GRID2: variants seen among roughly 807,000 people sequenced by gnomAD.
The protein encoded by GRID2 is glutamate receptor ionotropic, delta-2.
In GRID2, 33 loss-of-function variants were observed where a neutral mutation model predicts 114.8. The ratio of observed to expected loss-of-function variants is 0.29; its 90% confidence interval spans 0.22 to 0.38. The LOEUF is 0.38. Among genes scored for constraint, GRID2 ranks in the 10% least tolerant of loss-of-function variants. The pLI is 1.00. For missense variants in GRID2, 1,184 were observed against 1,257.7 expected, an observed-to-expected ratio of 0.94 and a Z score of 0.89; for synonymous variants, 505 against 449.9, an observed-to-expected ratio of 1.12 and a Z score of -1.55.
At chr4:93,395,526 A>G (rs901876256) in intron 8 of GRID2, 81 bp from the exon 9 acceptor site, 2 of 692,218 alleles carry the variant, frequency 2.9e-6, no homozygotes, top group Admixed American at 2.0e-5. Context: ...GAGCTATCAC[A>G]TAGTTCTCCA....
chr4:92,920,747 G>A (rs1749248667), intron 2 of GRID2, among the ~76,000 whole-genome samples: 1 of 152,176 alleles, frequency 6.6e-6, no homozygotes, highest in African/African-American at 2.4e-5. Flanking sequence ...CCCTTTGTGG[G>A]TAACTCGACC....
chr4:93,100,637 G>A (rs1486654144), intron 3 of GRID2, among the ~76,000 whole-genome samples: 2 of 151,884 alleles, frequency 1.3e-5, no homozygotes, highest in East Asian at 3.9e-4. Context: ...TTAATGCTTG[G>A]CATTCTGCCA....
In GRID2 at chr4:93,533,218, T is replaced by C. The variant is rs984617391; in HGVS notation, c.2193+17807T>C. Among the ~76,000 whole-genome samples the C allele has an allele frequency of 2.0e-5, 3 of 152,074 alleles. No individual in the cohort carries two copies. In the East Asian group the frequency reaches 5.8e-4, roughly 29 times the overall value. On this transcript the variant is annotated intron_variant, in intron 13 of 15. Coordinates refer to ENST00000282020, the MANE Select transcript of GRID2 (RefSeq NM_001510.4). ...TTACACCTCATGTCTAATTCATCAG[T>C]AAATCTTGTAGGGCCCTTTCTTTCT...
At chr4:93,796,600 G>A (rs1254703407) in intron 1 of GRID2, among the ~76,000 whole-genome samples, 5 of 152,176 alleles carry the variant, frequency 3.3e-5, no homozygotes, top group South Asian at 4.2e-4. Flanking sequence ...CTAGAGTGCC[G>A]TGGCGCTATC....
chr4:92,367,281 A>T (rs540375604), intron 1 of GRID2, among the ~76,000 whole-genome samples: 3 of 152,108 alleles, frequency 2.0e-5, no homozygotes, highest in Non-Finnish European at 4.4e-5. Flanking sequence ...TTGAGACTTA[A>T]TTTATAATGG....
chr4:93,314,760 C>A (rs1161860555), intron 8 of GRID2, among the ~76,000 whole-genome samples: 1 of 148,582 alleles, frequency 6.7e-6, no homozygotes, highest in Non-Finnish European at 1.5e-5. Flanking sequence ...CACACACACA[C>A]TACATCACAC....
chr4:92,615,809 A>G (rs1368484527), intron 2 of GRID2, among the ~76,000 whole-genome samples: 1 of 151,544 alleles, frequency 6.6e-6, no homozygotes, highest in Non-Finnish European at 1.5e-5. Context: ...TAGGTATACA[A>G]TATGTGCCTT....
At chr4:92,875,563 T>G (rs2149450753) in intron 2 of GRID2, among the ~76,000 whole-genome samples, 1 of 152,314 alleles carries the variant, frequency 6.6e-6, no homozygotes, top group Non-Finnish European at 1.5e-5. Flanking sequence ...TAAATATAAT[T>G]TTACTGCATG....
intron 2 of GRID2, among the ~76,000 whole-genome samples, chr4:92,686,285 T>G (rs1733901932): frequency 2.0e-5 from 3 of 151,966 alleles, no homozygotes; most frequent in African/African-American, 7.2e-5. Flanking sequence ...GTATCAACCT[T>G]CAGGAATATA....
chr4:92,423,611 T>A (rs923886928), intron 1 of GRID2, among the ~76,000 whole-genome samples: 4 of 152,146 alleles, frequency 2.6e-5, no homozygotes, highest in African/African-American at 9.7e-5. Context: ...TCTTATGGCA[T>A]ATGCTTACCT....
chr4:92,966,909 A>C (rs183514518), intron 2 of GRID2, among the ~76,000 whole-genome samples: 1 of 152,058 alleles, frequency 6.6e-6, no homozygotes, highest in Admixed American at 6.6e-5. Flanking sequence ...TATTATCCTA[A>C]ACAATACAAT....
At chr4:92,811,885 C>A (rs1740679735) in intron 2 of GRID2, among the ~76,000 whole-genome samples, 1 of 152,162 alleles carries the variant, frequency 6.6e-6, no homozygotes, top group Middle Eastern at 3.4e-3. Flanking sequence ...TGCTTAGATT[C>A]AATTTTAAAG....
intron 1 of GRID2, among the ~76,000 whole-genome samples, chr4:92,368,281 C>T (rs1035039366): frequency 3.3e-5 from 5 of 151,972 alleles, no homozygotes; most frequent in African/African-American, 1.2e-4. Context: ...AGGCTCAGGA[C>T]CTAGAGTTGT....
chr4:92,551,314 C>T (rs935278264), intron 1 of GRID2, among the ~76,000 whole-genome samples: 1 of 139,832 alleles, frequency 7.2e-6, no homozygotes, highest in African/African-American at 3.0e-5. Context: ...TGTCACAGGA[C>T]TAACACAATG....
chr4:93,079,107 G>A (rs907295068), intron 2 of GRID2, among the ~76,000 whole-genome samples: 2 of 151,410 alleles, frequency 1.3e-5, no homozygotes, highest in Non-Finnish European at 3.0e-5. Context: ...ATGATAAAAT[G>A]TATGTGAAAC....
intron 12 of GRID2, among the ~76,000 whole-genome samples, chr4:93,508,580 T>C (rs1356364691): frequency 6.6e-6 from 1 of 152,172 alleles, no homozygotes. Flanking sequence ...AAAATGCTAT[T>C]ATTATGCCAT....
chr4:92,939,593 G>T (rs1351882903), intron 2 of GRID2, among the ~76,000 whole-genome samples: 1 of 147,056 alleles, frequency 6.8e-6, no homozygotes, highest in African/African-American at 2.4e-5. Flanking sequence ...GTCAATTTTG[G>T]CTTTTGTTGC....
rs549147859 is a variant in GRID2 at position 92,579,301 on chromosome 4, C to T, written c.89-10830C>T. On this transcript the variant is annotated intron_variant, in intron 1 of 15. Coordinates refer to ENST00000282020, the MANE Select transcript of GRID2 (RefSeq NM_001510.4). The stretch of plus-strand genomic sequence containing the variant: ...AAGGCCACAGTGTATACTCTATCAT[C>T]GCTTTTAACATGGCCCACAAATCAT... 7.9e-5 allele frequency among the ~76,000 whole-genome samples: 12 copies of T among 152,124 alleles called. No individual in the cohort carries two copies. In the South Asian group the frequency reaches 1.7e-3, roughly 21 times the overall value.
intron 2 of GRID2, among the ~76,000 whole-genome samples, chr4:92,623,338 C>A (rs530771706): frequency 1.3e-4 from 19 of 150,984 alleles, no homozygotes; most frequent in Non-Finnish European, 2.2e-4. Context: ...CTCAGTGTAA[C>A]CCTGCGACAC....
Sources: allele counts gnomAD v4.1 joint callset (sites outside exome capture counted in the v4.1 genomes callset), GRCh38; gene constraint gnomAD v4.1.1; transcripts MANE v1.5; gene names NCBI Gene and HGNC (gene_info 2026-07-23, HGNC 2026-07-21).